Variants in POLR2F observed in about 807,000 individuals in gnomAD.
POLR2F encodes the protein RNA polymerase II, I and III subunit F, also known as DNA-directed RNA polymerases I, II, and III subunit RPABC2.
A neutral mutation model predicts 22.7 loss-of-function variants in POLR2F; 12 were observed. The observed-to-expected ratio is 0.53, with a 90% CI of 0.34 to 0.86. The LOEUF (loss-of-function observed/expected upper bound fraction) is 0.86. POLR2F is among the 40% of genes least tolerant of loss of function. The pLI is 0.02. For missense variants in POLR2F, 126 were observed against 171.5 expected, an observed-to-expected ratio of 0.73 and a Z score of 1.48; for synonymous variants, 57 against 66.0, an observed-to-expected ratio of 0.86 and a Z score of 0.66.
chr22:38,001,988 T>A (rs1363162286), intron 1 of POLR2F, among the ~76,000 whole-genome samples: 1 of 151,192 alleles, frequency 6.6e-6, no homozygotes, highest in East Asian at 2.0e-4. Context: ...CCACCATGCC[T>A]GTATTTTGTA....
downstream of POLR2F, among the ~76,000 whole-genome samples, chr22:38,029,009 G>T (rs1371888352): frequency 1.3e-5 from 2 of 152,288 alleles, no homozygotes; most frequent in South Asian, 4.1e-4. Flanking sequence ...CTTCTGAAAG[G>T]GTTTCAGAGG....
At chr22:37,977,953 T>A (rs1261074244) in intron 4 of POLR2F, 2 of 1,612,614 alleles carry the variant, frequency 1.2e-6, no homozygotes, top group Non-Finnish European at 1.7e-6. Context: ...GTAGTGGGCC[T>A]GGATGGCGGC....
intron 1 of POLR2F, among the ~76,000 whole-genome samples, chr22:37,954,305 A>ATTTTT (rs764720173): frequency 6.9e-6 from 1 of 143,934 alleles, no homozygotes; most frequent in Non-Finnish European, 1.5e-5. Context: ...CTTTGCAGTA[A>ATTTTT]TTTTTTTTTT....
intron 1 of POLR2F, among the ~76,000 whole-genome samples, chr22:38,010,773 C>A (rs975198779): frequency 6.6e-6 from 1 of 151,748 alleles, no homozygotes; most frequent in Non-Finnish European, 1.5e-5. Context: ...CACCCCACCA[C>A]GACCAGCTAA....
intron 4 of POLR2F, chr22:37,977,900 G>T: frequency 6.2e-7 from 1 of 1,612,790 alleles, no homozygotes. Flanking sequence ...TCTGACATGG[G>T]GGAGCCCTCT....
At chr22:37,996,311 G>C (rs1022750829) in intron 1 of POLR2F, among the ~76,000 whole-genome samples, 1 of 152,098 alleles carries the variant, frequency 6.6e-6, no homozygotes, top group Admixed American at 6.5e-5. Context: ...AGGGAAAGAG[G>C]GGGGAACAGG....
chr22:37,982,653 A>G (rs1487783227), upstream of POLR2F, among the ~76,000 whole-genome samples: 2 of 152,086 alleles, frequency 1.3e-5, no homozygotes, highest in African/African-American at 4.8e-5. Flanking sequence ...CTGGCAGGGA[A>G]GATGGCGCCG....
intron 1 of POLR2F, among the ~76,000 whole-genome samples, chr22:37,994,342 G>A (rs1218461421): frequency 6.6e-6 from 1 of 152,074 alleles, no homozygotes; most frequent in Non-Finnish European, 1.5e-5. Flanking sequence ...GTGAGCAGGT[G>A]TTATTTTGTT....
chr22:38,023,497 A>T (rs1251718772), intron 1 of POLR2F, among the ~76,000 whole-genome samples: 3 of 151,678 alleles, frequency 2.0e-5, no homozygotes. Flanking sequence ...CATATTAACT[A>T]TATTATTGAG....
At chr22:38,039,252 CGGAATTTTT>C (rs2085148587) in intron 5 of POLR2F, among the ~76,000 whole-genome samples, 1 of 152,168 alleles carries the variant, frequency 6.6e-6, no homozygotes, top group South Asian at 2.1e-4. Context: ...CCAAATGTAC[CGGAATTTTT>C]GGAAACTGAA....
chr22:37,967,237 C>T (rs967630927), intron 4 of POLR2F, 67 bp downstream of exon 4: 3 of 1,599,708 alleles, frequency 1.9e-6, no homozygotes, highest in African/African-American at 2.7e-5. Context: ...CTCTCTGTTG[C>T]ACCCTTTGCT....
At chr22:38,005,456 C>A (rs1569178604) in intron 1 of POLR2F, among the ~76,000 whole-genome samples, 1 of 152,180 alleles carries the variant, frequency 6.6e-6, no homozygotes, top group South Asian at 2.1e-4. Context: ...TAATGGGGAA[C>A]CACAAAGGAT....
downstream of POLR2F, among the ~76,000 whole-genome samples, chr22:38,027,615 T>C (rs1313214052): frequency 6.6e-6 from 1 of 152,140 alleles, no homozygotes; most frequent in Admixed American, 6.5e-5. Context: ...CATCAGAGCT[T>C]GGCCCCCAAC....
At chr22:37,984,084 C>CT (rs899338874), upstream of POLR2F, 67 of 237,160 alleles carry the variant, frequency 2.8e-4, no homozygotes, top group Non-Finnish European at 3.2e-4. This position sits in a 1 kb window ranked among gnomAD's most constrained non-coding sequence, Gnocchi z 4.4. Context: ...GTGTGGGTGG[C>CT]TTTTTTTTTA....
chr22:37,955,493 C>A (rs533679872), intron 1 of POLR2F, among the ~76,000 whole-genome samples: 1 of 148,468 alleles, frequency 6.7e-6, no homozygotes, highest in Admixed American at 6.7e-5. Context: ...GAGCCAAGAT[C>A]ACGCCATTGC....
chr22:38,013,305 C>T (rs555883851), intron 1 of POLR2F, among the ~76,000 whole-genome samples: 1 of 152,144 alleles, frequency 6.6e-6, no homozygotes, highest in Admixed American at 6.5e-5. Flanking sequence ...GCCACCATGC[C>T]TGGCTAATTT....
upstream of POLR2F, chr22:37,983,298 C>T (rs1303911705): frequency 1.5e-5 from 24 of 1,551,530 alleles, no homozygotes; most frequent in Non-Finnish European, 2.1e-5. The surrounding 1 kb of genome is among the most constrained non-coding windows in gnomAD (Gnocchi z 9.5). Context: ...GCCGCCTCGG[C>T]TACCCTGAAT....
chr22:38,014,207 A>G (rs2084896523), intron 1 of POLR2F, among the ~76,000 whole-genome samples: 1 of 152,006 alleles, frequency 6.6e-6, no homozygotes, highest in Non-Finnish European at 1.5e-5. Flanking sequence ...CTCATGTATA[A>G]TAGATGTTTT....
intron 1 of POLR2F, among the ~76,000 whole-genome samples, chr22:37,995,836 T>TTAA (rs571380145): frequency 1.1e-4 from 15 of 142,562 alleles, no homozygotes; most frequent in African/African-American, 3.6e-4. Flanking sequence ...TACTAAAAAT[T>TTAA]AAAAAAAAAA....
Sources: allele counts gnomAD v4.1 joint callset (sites outside exome capture counted in the v4.1 genomes callset), GRCh38; gene constraint gnomAD v4.1.1; non-coding constraint Gnocchi (gnomAD v3.1); transcripts MANE v1.5; gene names NCBI Gene and HGNC (gene_info 2026-07-23, HGNC 2026-07-21).